SESTD1: variants seen among roughly 807,000 people sequenced by gnomAD.
SESTD1 encodes the protein SEC14 and spectrin domain containing 1.
A neutral mutation model predicts 101.7 loss-of-function variants in SESTD1; 43 were observed. That is an observed-to-expected ratio of 0.42 (90% CI 0.33 to 0.55). The LOEUF (loss-of-function observed/expected upper bound fraction) is 0.55, where lower values mean the gene tolerates loss of function less well. SESTD1 is among the 20% of genes least tolerant of loss of function. The pLI is 0.07. For missense variants in SESTD1, 647 were observed against 815.1 expected, an observed-to-expected ratio of 0.79 and a Z score of 2.51; for synonymous variants, 283 against 286.8, an observed-to-expected ratio of 0.99 and a Z score of 0.13.
chr2:179,150,882 A>C (rs971936098), intron 6 of SESTD1, among the ~76,000 whole-genome samples: 1 of 152,198 alleles, frequency 6.6e-6, no homozygotes, highest in Non-Finnish European at 1.5e-5. Context: ...ACCTTTACTG[A>C]TGCTACTAAT....
intron 1 of SESTD1, among the ~76,000 whole-genome samples, chr2:179,226,510 T>C (rs1012966108): frequency 1.3e-5 from 2 of 152,222 alleles, no homozygotes; most frequent in Non-Finnish European, 2.9e-5. Context: ...TGTTAAGTGA[T>C]TAAATTACTA....
At chr2:179,145,601 T>C (rs141901974) in intron 8 of SESTD1, among the ~76,000 whole-genome samples, 21 of 152,308 alleles carry the variant, frequency 1.4e-4, no homozygotes, top group African/African-American at 5.1e-4. Context: ...CTAGAGATAT[T>C]TGGGTTGGAA....
intron 1 of SESTD1, among the ~76,000 whole-genome samples, chr2:179,217,570 G>C (rs923203928): frequency 6.6e-6 from 1 of 152,208 alleles, no homozygotes; most frequent in Non-Finnish European, 1.5e-5. Context: ...ACAGTGTGGT[G>C]ATTCCTCAAG....
chr2:179,249,637 C>A (rs1404365746), intron 1 of SESTD1, among the ~76,000 whole-genome samples: 1 of 151,964 alleles, frequency 6.6e-6, no homozygotes, highest in African/African-American at 2.4e-5. Context: ...TATCAAAATT[C>A]TTTGTAAATA....
chr2:179,249,325 G>A (rs1464863568), intron 1 of SESTD1, among the ~76,000 whole-genome samples: 1 of 151,638 alleles, frequency 6.6e-6, no homozygotes, highest in African/African-American at 2.4e-5. Flanking sequence ...ATGGCTGCAG[G>A]ATATAAGACA....
intron 2 of SESTD1, among the ~76,000 whole-genome samples, chr2:179,185,528 A>G (rs2046201327): frequency 7.3e-6 from 1 of 136,884 alleles, no homozygotes; most frequent in African/African-American, 2.7e-5. Context: ...TATATATTGT[A>G]TATATGTAAT....
At chr2:179,264,472 C>T (rs2047530609) in intron 1 of SESTD1, 27 bp downstream of exon 1, 1 of 150,658 alleles carries the variant, frequency 6.6e-6, no homozygotes, top group South Asian at 1.9e-4. Flanking sequence ...GCTTCTCCCG[C>T]CCGGGCCGAG....
At chr2:179,136,893 A>G (rs879284948) in intron 9 of SESTD1, among the ~76,000 whole-genome samples, 4 of 152,152 alleles carry the variant, frequency 2.6e-5, no homozygotes, top group Admixed American at 6.5e-5. Context: ...ATGGACATAT[A>G]TATGTATATA....
chr2:179,123,431 A>C (rs529725795), intron 12 of SESTD1, among the ~76,000 whole-genome samples: 4 of 152,298 alleles, frequency 2.6e-5, no homozygotes, highest in Non-Finnish European at 5.9e-5. Flanking sequence ...CACTACAAAT[A>C]ATTGTTCATA....
At chr2:179,118,057 A>G (rs545831533) in intron 13 of SESTD1, among the ~76,000 whole-genome samples, 3 of 152,110 alleles carry the variant, frequency 2.0e-5, no homozygotes, top group Non-Finnish European at 4.4e-5. Context: ...TATAACCTCA[A>G]ACTCCTGGGC....
intron 1 of SESTD1, among the ~76,000 whole-genome samples, chr2:179,223,209 T>C (rs941580208): frequency 4.6e-5 from 7 of 151,940 alleles, no homozygotes; most frequent in African/African-American, 1.4e-4. Flanking sequence ...TATTTTTGTA[T>C]AAAAAAAATT....
intron 9 of SESTD1, among the ~76,000 whole-genome samples, chr2:179,141,425 AT>A (rs533017973): frequency 2.0e-5 from 3 of 152,206 alleles, no homozygotes; most frequent in African/African-American, 7.2e-5. Context: ...TCATCATGTA[AT>A]TATCTCCCAT....
chr2:179,199,447 T>C (rs923292959), intron 1 of SESTD1, among the ~76,000 whole-genome samples: 1 of 152,178 alleles, frequency 6.6e-6, no homozygotes, highest in African/African-American at 2.4e-5. Context: ...CCTCCCTAAC[T>C]CATTTTATGA....
chr2:179,159,599 C>T (rs952124201), intron 5 of SESTD1, among the ~76,000 whole-genome samples: 1 of 152,094 alleles, frequency 6.6e-6, no homozygotes. Context: ...CAGGGTAATG[C>T]AACAAAACAA....
chr2:179,162,814 G>A (rs866648706), intron 5 of SESTD1, among the ~76,000 whole-genome samples: 4 of 102,516 alleles, frequency 3.9e-5, no homozygotes, highest in African/African-American at 8.2e-5. Context: ...GTGAAACCTC[G>A]TCTCTAGTAA....
In SESTD1 at chr2:179,124,534, G is replaced by C; in HGVS notation, c.997C>G (p.Leu333Val). The C allele has an allele frequency of 6.2e-7, 1 of 1,613,932 alleles. No homozygotes were observed. Among genetic ancestry groups the C allele is most frequent in the Non-Finnish European group, 8.5e-7 (1 of 1,179,910 alleles). The change falls in exon 11 of 18, where the codon CTT becomes GTT. Residue 333 changes from leucine to valine, a missense_variant. Around this residue, in one of 3 missense-constraint regions of SESTD1, gnomAD observed 476 missense variants for 562.6 expected, o/e 0.85. Transcript: ENST00000428443. ...HSEWFAVYVELNQQIAALLNA... is the reference protein window; with the variant it reads ...HSEWFAVYVEVNQQIAALLNA... The stretch of plus-strand genomic sequence containing the variant: ...AAGAGTGCTGCAATTTGCTGATTAA[G>C]TTCCACATACACTGCAAACCATTCC...
intron 1 of SESTD1, among the ~76,000 whole-genome samples, chr2:179,238,876 T>C (rs2047107927): frequency 1.3e-5 from 2 of 152,154 alleles, no homozygotes; most frequent in Admixed American, 1.3e-4. Context: ...TCCTCTGCCT[T>C]GCCCTCGTTT....
intron 1 of SESTD1, among the ~76,000 whole-genome samples, chr2:179,250,377 T>C (rs966298858): frequency 4.6e-5 from 7 of 152,134 alleles, no homozygotes; most frequent in African/African-American, 7.2e-5. Flanking sequence ...AAGAACCAAA[T>C]TGCAAAAACA....
rs2046665391 is a variant in SESTD1 at position 179,212,596 on chromosome 2, A to G, written c.-25-20730T>C. On this transcript the variant is annotated intron_variant, in intron 1 of 17. Transcript: ENST00000428443. Reference sequence around the variant, plus strand: ...ACAAGAGGCAGCAGACAACTTCTGCAGACTTACAAGTCCCTGTCTGACAGC... The same window carrying G: ...ACAAGAGGCAGCAGACAACTTCTGCGGACTTACAAGTCCCTGTCTGACAGC... 1.5e-5 allele frequency among the ~76,000 whole-genome samples: 2 copies of G among 136,296 alleles called. 1 individual carries two copies. Among genetic ancestry groups the G allele is most frequent in the Non-Finnish European group, 3.2e-5 (2 of 63,020 alleles). 89.4% of individuals were successfully genotyped at this position (136,296 alleles called of 152,430 possible). A position where few individuals can be genotyped will look rare whatever the true frequency, so the allele number is the denominator to read the frequency against.
Sources: allele counts gnomAD v4.1 joint callset (sites outside exome capture counted in the v4.1 genomes callset), GRCh38; gene constraint gnomAD v4.1.1; regional missense constraint gnomAD v4.1.1; transcripts MANE v1.5; gene names NCBI Gene and HGNC (gene_info 2026-07-23, HGNC 2026-07-21).